The following EGFR variants were observed in gnomAD, a reference collection of about 807,000 sequenced individuals.
The protein encoded by EGFR is epidermal growth factor receptor.
Under a neutral mutation model 143.0 loss-of-function variants are expected in EGFR, and 58 were observed. That is an observed-to-expected ratio of 0.41 (90% CI 0.33 to 0.50). EGFR has a LOEUF of 0.50. EGFR is among the 20% of genes least tolerant of loss of function. EGFR has a pLI of 0.39. For synonymous variants in EGFR, 613 were observed against 594.4 expected, an observed-to-expected ratio of 1.03 and a Z score of -0.45; for missense variants, 1,307 against 1,579.0, an observed-to-expected ratio of 0.83 and a Z score of 2.92.
At chr7:55,069,560 A>G (rs1789705382) in intron 1 of EGFR, among the ~76,000 whole-genome samples, 1 of 152,130 alleles carries the variant, frequency 6.6e-6, no homozygotes, top group Non-Finnish European at 1.5e-5. Flanking sequence ...CCCAGCACGT[A>G]CTTTACCCCC....
chr7:55,033,767 A>C (rs1169875655), intron 1 of EGFR, among the ~76,000 whole-genome samples: 2 of 152,176 alleles, frequency 1.3e-5, no homozygotes, highest in Non-Finnish European at 2.9e-5. Context: ...CCTTGCCTCC[A>C]TGGCGGGACT....
At chr7:55,192,720 G>A (rs960959700) in intron 21 of EGFR, 46 bp from the exon 22 acceptor site, 1 of 1,565,756 alleles carries the variant, frequency 6.4e-7, no homozygotes, top group African/African-American at 1.4e-5. Context: ...TTCCAACAGA[G>A]GGAAACTAAT....
At chr7:55,022,770 C>A (rs1457792184) in intron 1 of EGFR, among the ~76,000 whole-genome samples, 1 of 152,194 alleles carries the variant, frequency 6.6e-6, no homozygotes, top group Non-Finnish European at 1.5e-5. Flanking sequence ...TCTGGCTTCA[C>A]GTATTTAGTT....
chr7:55,037,853 G>A (rs1787683614), intron 1 of EGFR, among the ~76,000 whole-genome samples: 1 of 152,176 alleles, frequency 6.6e-6, no homozygotes, highest in African/African-American at 2.4e-5. Flanking sequence ...TTCCTCAGGA[G>A]ATCTATCTCA....
intron 4 of EGFR, among the ~76,000 whole-genome samples, chr7:55,147,000 T>C (rs1584153743): frequency 6.6e-6 from 1 of 152,138 alleles, no homozygotes; most frequent in Non-Finnish European, 1.5e-5. Flanking sequence ...AGAGCACTTG[T>C]GTCCTGAGAA....
chr7:55,052,589 A>T (rs776946535), intron 1 of EGFR, among the ~76,000 whole-genome samples: 176 of 152,340 alleles, frequency 1.2e-3, no homozygotes, highest in Non-Finnish European at 1.4e-3. Context: ...AAGCCTCAGG[A>T]AGCTTGCGAA....
chr7:55,061,467 G>T (rs138180062), intron 1 of EGFR, among the ~76,000 whole-genome samples: 5 of 152,330 alleles, frequency 3.3e-5, no homozygotes, highest in African/African-American at 4.8e-5. Context: ...AAAGGGGACA[G>T]AGAATATGCT....
At chr7:55,113,469 G>A (rs1444311139) in intron 1 of EGFR, among the ~76,000 whole-genome samples, 1 of 152,124 alleles carries the variant, frequency 6.6e-6, no homozygotes, top group Non-Finnish European at 1.5e-5. Flanking sequence ...TGTGTTTGCA[G>A]GATGGTGGTT....
intron 1 of EGFR, chr7:55,109,899 G>C (rs931565990): frequency 3.0e-6 from 3 of 985,464 alleles, no homozygotes; most frequent in Non-Finnish European, 1.2e-6. Flanking sequence ...TTGTGCATTT[G>C]CTGTGGGTTC....
rs2128934816 is a variant in EGFR at position 55,154,003 on chromosome 7, C to T, written c.748-8C>T. On this transcript the variant is annotated splice_region_variant and splice_polypyrimidine_tract_variant and intron_variant, in intron 6 of 27. Coordinates refer to ENST00000275493, the MANE Select transcript of EGFR (RefSeq NM_005228.5). The stretch of plus-strand genomic sequence containing the variant: ...TCACTTGCCCAGCGTGTCCTCTCTC[C>T]TCCATAGGTCTGCCGCAAATTCCGA... The T allele has an allele frequency of 6.2e-7, 1 of 1,614,232 alleles. No homozygotes were observed. Among genetic ancestry groups the T allele is most frequent in the Non-Finnish European group, 8.5e-7 (1 of 1,180,046 alleles).
intron 27 of EGFR, among the ~76,000 whole-genome samples, chr7:55,203,571 C>T (rs111211493): frequency 6.5e-4 from 7 of 10,726 alleles, no homozygotes; most frequent in East Asian, 5.6e-3. Context: ...ACACCACACA[C>T]ACATACGCCA....
chr7:55,088,757 A>G (rs1049086192), intron 1 of EGFR, among the ~76,000 whole-genome samples: 1 of 152,178 alleles, frequency 6.6e-6, no homozygotes, highest in African/African-American at 2.4e-5. Flanking sequence ...GGCCTTCGCA[A>G]TTGAAACCAA....
At chr7:55,174,126 T>C (rs979628051) in intron 18 of EGFR, 83 bp downstream of exon 18, 6 of 1,572,688 alleles carry the variant, frequency 3.8e-6, no homozygotes, top group Non-Finnish European at 4.3e-6. Context: ...TTGCAAGCTG[T>C]ATATTTCCAT....
chr7:55,151,660 G>A (rs1449967346), intron 5 of EGFR, among the ~76,000 whole-genome samples: 3 of 152,198 alleles, frequency 2.0e-5, no homozygotes, highest in Non-Finnish European at 4.4e-5. Context: ...CGGATCACGA[G>A]GTCAGGAGAT....
chr7:55,073,676 A>G (rs1431148584), intron 1 of EGFR, among the ~76,000 whole-genome samples: 1 of 152,226 alleles, frequency 6.6e-6, no homozygotes, highest in African/African-American at 2.4e-5. Flanking sequence ...GAGGAAACCA[A>G]GGAACAGAAA....
At chr7:55,169,438 A>C (rs1467238877) in intron 15 of EGFR, among the ~76,000 whole-genome samples, 1 of 152,202 alleles carries the variant, frequency 6.6e-6, no homozygotes, top group Non-Finnish European at 1.5e-5. Flanking sequence ...TTCATAGTAC[A>C]CGGTGAGGAG....
chr7:55,019,449 C>A, intron 1 of EGFR, 84 bp downstream of exon 1: 1 of 849,824 alleles, frequency 1.2e-6, no homozygotes, highest in Non-Finnish European at 1.5e-6. Context: ...CACCGGCGCA[C>A]CGGCTCGGCG....
chr7:55,097,097 T>C (rs1791523717), intron 1 of EGFR, among the ~76,000 whole-genome samples: 1 of 152,160 alleles, frequency 6.6e-6, no homozygotes. Context: ...GCTCTAGAAT[T>C]CTAACCTGTG....
At chr7:55,131,347 C>T (rs1342344523) in intron 1 of EGFR, among the ~76,000 whole-genome samples, 3 of 151,094 alleles carry the variant, frequency 2.0e-5, no homozygotes, top group African/African-American at 4.9e-5. Context: ...CTGGCTGCAT[C>T]GTTCTGCTGA....
Sources: gnomAD v4.1 joint callset for allele counts (sites outside exome capture counted in the v4.1 genomes callset) on GRCh38, gnomAD v4.1.1 for gene constraint, MANE v1.5 for transcripts, NCBI Gene and HGNC (gene_info 2026-07-23, HGNC 2026-07-21) for gene names.